SEC23B: variants seen among roughly 807,000 people sequenced by gnomAD.
The protein encoded by SEC23B is SEC23 homolog B, COPII component.
Under a neutral mutation model 104.3 loss-of-function variants are expected in SEC23B, and 77 were observed. That is an observed-to-expected ratio of 0.74 (90% CI 0.61 to 0.89). The LOEUF (loss-of-function observed/expected upper bound fraction) is 0.89. Among genes scored for constraint, SEC23B ranks in the 40% least tolerant of loss-of-function variants. The pLI is 0.00. For synonymous variants in SEC23B, 338 were observed against 332.5 expected, an observed-to-expected ratio of 1.02 and a Z score of -0.18; for missense variants, 885 against 949.4, an observed-to-expected ratio of 0.93 and a Z score of 0.89.
At chr20:18,533,276 T>C (rs2060201994) in intron 11 of SEC23B, among the ~76,000 whole-genome samples, 1 of 152,346 alleles carries the variant, frequency 6.6e-6, no homozygotes, top group African/African-American at 2.4e-5. Flanking sequence ...TCATTTGAGA[T>C]GAGCGGCTTT....
intron 12 of SEC23B, among the ~76,000 whole-genome samples, chr20:18,541,995 C>G (rs7263010): frequency 5.8e-4 from 89 of 152,322 alleles, no homozygotes; most frequent in African/African-American, 1.9e-3. Context: ...GTTTGTGATT[C>G]ATCAATCCAT....
Position 18,555,164 on chromosome 20 carries a change from T to C in SEC23B, c.2205T>C (p.Ala735=), listed in dbSNP as rs1436996197. The stretch of plus-strand genomic sequence containing the variant: ...CTCAGACACACAATAACCTGTATGC[T>C]TGGGGACAGGTAAGAAATCTTCAGG... ...NPSQTHNNLY[A]WGQETGAPIL... The change falls in exon 19 of 20, where the codon GCT becomes GCC. Residue 735 remains alanine, a synonymous_variant. Transcript: ENST00000650089. 5 of 1,612,278 alleles carry C rather than the reference T, an allele frequency of 3.1e-6. No individual in the cohort carries two copies. The highest frequency in any genetic ancestry group is 1.3e-5 in the African/African-American group (1 of 74,862).
Position 18,524,965 on chromosome 20 carries a change from C to G in SEC23B, c.634C>G (p.Pro212Ala). 6.2e-7 allele frequency: 1 copy of G among 1,613,950 alleles called. No individual in the cohort carries two copies. Among genetic ancestry groups the G allele is most frequent in the Non-Finnish European group, 8.5e-7 (1 of 1,179,988 alleles). Residue 212 changes from proline (P) to alanine (A), a missense_variant, in exon 6 of 20, where the codon CCC becomes GCC. Pro to Ala is a conservative substitution (Grantham distance 27, BLOSUM62 -1). Transcript: ENST00000650089. ...DMLGLTKPAM[P>A]MQQARPAQPQ... Reference sequence around the variant, plus strand: ...GTTGGGCCTGACCAAGCCAGCCATGCCCATGCAGCAAGCACGACCTGCACA... The same window carrying G: ...GTTGGGCCTGACCAAGCCAGCCATGGCCATGCAGCAAGCACGACCTGCACA...
At chr20:18,525,072 T>C in intron 6 of SEC23B, 52 bp downstream of exon 6, 1 of 1,451,664 alleles carries the variant, frequency 6.9e-7, no homozygotes, top group South Asian at 1.1e-5. Flanking sequence ...ATGCAGATGA[T>C]CCATGGGAGT....
chr20:18,536,875 C>T (rs527901305), intron 12 of SEC23B, among the ~76,000 whole-genome samples: 1 of 152,198 alleles, frequency 6.6e-6, no homozygotes, highest in South Asian at 2.1e-4. Flanking sequence ...TTAAGAAAAT[C>T]ATAAGGGAAG....
Position 18,510,099 on chromosome 20 carries a change from G to GA in SEC23B, c.-14-714dup, listed in dbSNP as rs199991938. 4.2e-4 allele frequency among the ~76,000 whole-genome samples: 64 copies of GA among 150,896 alleles called. No individual in the cohort carries two copies. The East Asian group carries it at 4.9e-3, about 11-fold the overall frequency. On this transcript the variant is annotated intron_variant, in intron 1 of 19. Transcript: ENST00000650089. Reference sequence around the variant, plus strand: ...AGGGAATGAGCACCCCCCCGCTACTGAAAAAAAAATCACTTGGAATGTAAA... The same window carrying GA: ...AGGGAATGAGCACCCCCCCGCTACTGAAAAAAAAAATCACTTGGAATGTAAA...
At chr20:18,536,712 A>G (rs1056423780) in intron 12 of SEC23B, among the ~76,000 whole-genome samples, 6 of 152,018 alleles carry the variant, frequency 3.9e-5, no homozygotes, top group East Asian at 3.9e-4. Context: ...AAAAATCCAC[A>G]TATAACTTTA....
chr20:18,510,273 A>C (rs1487186462), intron 1 of SEC23B, among the ~76,000 whole-genome samples: 1 of 152,216 alleles, frequency 6.6e-6, no homozygotes, highest in East Asian at 1.9e-4. Context: ...AGTAGTGTTT[A>C]ACTACATGTA....
At chr20:18,523,210 G>A (rs1252430049) in intron 4 of SEC23B, among the ~76,000 whole-genome samples, 6 of 151,850 alleles carry the variant, frequency 4.0e-5, no homozygotes, top group African/African-American at 7.3e-5. Flanking sequence ...TAGTGTCCTC[G>A]TTCAGCCCAG....
rs1271378174 is a variant in SEC23B at position 18,510,941 on chromosome 20, G to GTA, written c.107_108dup (p.Pro37TyrfsTer10). 2 of 1,614,018 alleles carry GTA rather than the reference G, an allele frequency of 1.2e-6. No individual in the cohort carries two copies. The highest frequency in any genetic ancestry group is 2.2e-5 in the South Asian group (2 of 91,076). ...CCGGCTGGAGGCTACAAGAATGGTT[G>GTA]TACCCCTGGCTTGTCTCCTTACTCC... On this transcript the variant is annotated frameshift_variant, in exon 2 of 20. Coordinates refer to ENST00000650089, the MANE Select transcript of SEC23B (RefSeq NM_006363.6). LOFTEE classifies it high-confidence loss of function.
chr20:18,530,847 G>A (rs1343366215), intron 10 of SEC23B, 44 bp downstream of exon 10: 3 of 1,512,284 alleles, frequency 2.0e-6, no homozygotes, highest in South Asian at 1.1e-5. Flanking sequence ...TCACTGTACT[G>A]CCCAGGCTGG....
At chr20:18,532,776 C>T (rs2060198591) in intron 11 of SEC23B, 32 bp downstream of exon 11, 2 of 1,507,816 alleles carry the variant, frequency 1.3e-6, no homozygotes, top group Non-Finnish European at 1.8e-6. Flanking sequence ...CCCTCACCTC[C>T]TGCCCCGGAT....
At position 18,561,097 on chromosome 20, in the gene SEC23B, T is replaced by C. The variant is rs1477369167; in HGVS notation, c.*357T>C. 6.2e-6 allele frequency: 2 copies of C among 322,158 alleles called. No homozygotes were observed. Among genetic ancestry groups the C allele is most frequent in the Non-Finnish European group, 1.2e-5 (2 of 166,928 alleles). 20.0% of individuals were successfully genotyped at this position (322,158 alleles called of 1,614,324 possible). ...GATGCAGAAAGTACTGGCTAAAATA[T>C]TGCTAATACAAATGTGATTTCCTGA... On this transcript the variant is annotated 3_prime_UTR_variant, in exon 20 of 20. Transcript: ENST00000650089.
chr20:18,555,281 C>G (rs184126151), intron 19 of SEC23B, 108 bp downstream of exon 19: 3 of 906,368 alleles, frequency 3.3e-6, no homozygotes, highest in Non-Finnish European at 3.6e-6. Context: ...AGAATAACTG[C>G]GTAAGTTGGG....
At chr20:18,544,833 G>T (rs1170352045) in intron 14 of SEC23B, among the ~76,000 whole-genome samples, 2 of 152,162 alleles carry the variant, frequency 1.3e-5, no homozygotes, top group Non-Finnish European at 2.9e-5. Flanking sequence ...TTGAAATCAG[G>T]ATGTAAACTG....
At chr20:18,530,592 C>T in intron 9 of SEC23B, 88 bp from the exon 10 acceptor site, 2 of 1,484,646 alleles carry the variant, frequency 1.3e-6, no homozygotes, top group Admixed American at 2.3e-5. Context: ...TTCTTTTTTT[C>T]TTTAAATTAT....
At chr20:18,557,294 C>CT (rs1308959719) in intron 19 of SEC23B, among the ~76,000 whole-genome samples, 1 of 151,982 alleles carries the variant, frequency 6.6e-6, no homozygotes, top group Non-Finnish European at 1.5e-5. Context: ...GTGGTTGCTC[C>CT]TAAGTGCCCT....
chr20:18,557,172 C>A (rs775155312), intron 19 of SEC23B, among the ~76,000 whole-genome samples: 7 of 151,992 alleles, frequency 4.6e-5, no homozygotes, highest in Non-Finnish European at 8.8e-5. Flanking sequence ...TTTCTTTTTT[C>A]ATCTTACGTA....
chr20:18,536,739 A>C (rs1263140449), intron 12 of SEC23B, among the ~76,000 whole-genome samples: 1 of 152,104 alleles, frequency 6.6e-6, no homozygotes, highest in Non-Finnish European at 1.5e-5. Context: ...CCAAAACTTA[A>C]CTACTAGTAG....
Sources: allele counts gnomAD v4.1 joint callset (sites outside exome capture counted in the v4.1 genomes callset), GRCh38; gene constraint gnomAD v4.1.1; transcripts MANE v1.5; gene names NCBI Gene and HGNC (gene_info 2026-07-23, HGNC 2026-07-21).